The following FAF1 variants were observed in gnomAD, a reference collection of about 807,000 sequenced individuals.
The protein encoded by FAF1 is Fas associated factor 1.
A neutral mutation model predicts 92.5 loss-of-function variants in FAF1; 25 were observed. That is an observed-to-expected ratio of 0.27 (90% CI 0.20 to 0.38). FAF1 has a LOEUF of 0.38. Ranked by LOEUF, FAF1 falls within the 10% of genes least tolerant of loss-of-function variation. The pLI, the probability that FAF1 is intolerant of heterozygous loss-of-function variation, is 1.00. For synonymous variants in FAF1, 234 were observed against 273.2 expected, an observed-to-expected ratio of 0.86 and a Z score of 1.42; for missense variants, 636 against 793.3, an observed-to-expected ratio of 0.80 and a Z score of 2.38.
At chr1:50,738,289 C>A (rs913939671) in intron 6 of FAF1, among the ~76,000 whole-genome samples, 3 of 151,736 alleles carry the variant, frequency 2.0e-5, no homozygotes, top group African/African-American at 7.3e-5. Context: ...ACTAAAAATG[C>A]AAAATTAGCT....
At chr1:50,726,769 T>C (rs1282154521) in intron 6 of FAF1, among the ~76,000 whole-genome samples, 1 of 151,960 alleles carries the variant, frequency 6.6e-6, no homozygotes, top group Non-Finnish European at 1.5e-5. Flanking sequence ...GCGGAACTTG[T>C]AGTGAGCTGA....
At chr1:50,819,898 T>C (rs1339365477) in intron 2 of FAF1, among the ~76,000 whole-genome samples, 2 of 146,892 alleles carry the variant, frequency 1.4e-5, no homozygotes, top group Non-Finnish European at 3.0e-5. Context: ...AATATATTTA[T>C]ATATTTATTA....
rs543679626 is a variant in FAF1, at chr1:50,490,720, A to T, written c.1576-55T>A. ...CTTAACACATACTTGTTTACAAAGA[A>T]AGAGAGAAATAAGGAAAGAGAAAAA... On this transcript the variant is annotated intron_variant, in intron 16 of 18. Transcript: ENST00000396153. 1.8e-5 allele frequency: 19 copies of T among 1,073,638 alleles called. No individual in the cohort carries two copies. The Middle Eastern group carries it at 8.1e-4, about 46-fold the overall frequency. The allele number at this position is 1,073,638 out of a possible 1,614,324, so 66.5% of individuals were successfully genotyped here.
At chr1:50,602,446 A>G (rs757909134) in intron 8 of FAF1, among the ~76,000 whole-genome samples, 2 of 152,094 alleles carry the variant, frequency 1.3e-5, no homozygotes, top group Non-Finnish European at 2.9e-5. Flanking sequence ...TTATACTTCA[A>G]TAAGGCAGTA....
At chr1:50,876,888 G>A (rs1421478449) in intron 1 of FAF1, among the ~76,000 whole-genome samples, 1 of 152,032 alleles carries the variant, frequency 6.6e-6, no homozygotes, top group Non-Finnish European at 1.5e-5. Flanking sequence ...CCAGCCAAAA[G>A]CTAAAACATT....
At chr1:50,694,683 C>A (rs1452018917) in intron 7 of FAF1, among the ~76,000 whole-genome samples, 2 of 151,536 alleles carry the variant, frequency 1.3e-5, no homozygotes, top group African/African-American at 4.8e-5. Flanking sequence ...TGGTGGCTCA[C>A]GCCTGCAATC....
At chr1:50,480,390 A>T (rs562849085) in intron 17 of FAF1, among the ~76,000 whole-genome samples, 7 of 152,332 alleles carry the variant, frequency 4.6e-5, no homozygotes, top group Admixed American at 4.6e-4. Context: ...TACACACAAA[A>T]CAACCTCTAG....
chr1:50,827,308 G>A (rs187040182), intron 2 of FAF1, among the ~76,000 whole-genome samples: 166 of 152,274 alleles, frequency 1.1e-3, no homozygotes, highest in African/African-American at 3.8e-3. Flanking sequence ...GCCTTGGGAG[G>A]CTGTTAATCT....
At chr1:50,571,232 CT>C (rs753246276) in intron 12 of FAF1, among the ~76,000 whole-genome samples, 30 of 152,176 alleles carry the variant, frequency 2.0e-4, no homozygotes, top group Non-Finnish European at 4.1e-4. Flanking sequence ...CAGAGAGGGT[CT>C]AAGTCTGGCA....
intron 4 of FAF1, among the ~76,000 whole-genome samples, chr1:50,766,787 C>G (rs1435846488): frequency 1.8e-5 from 1 of 56,464 alleles, no homozygotes; most frequent in East Asian, 4.3e-4. Flanking sequence ...AACAAGCAAG[C>G]AAGCAAAAAA....
chr1:50,728,577 G>A (rs1381844604), intron 6 of FAF1, among the ~76,000 whole-genome samples: 1 of 151,906 alleles, frequency 6.6e-6, no homozygotes, highest in Non-Finnish European at 1.5e-5. Context: ...GATCACCTGA[G>A]GTCAGAAGTT....
At chr1:50,943,532 A>C (rs1052951511) in intron 1 of FAF1, among the ~76,000 whole-genome samples, 23 of 152,208 alleles carry the variant, frequency 1.5e-4, no homozygotes, top group African/African-American at 5.5e-4. Flanking sequence ...GCAGACCTTA[A>C]TGCCTTCCAG....
chr1:50,525,657 C>T (rs1647751572), intron 15 of FAF1, among the ~76,000 whole-genome samples: 1 of 152,108 alleles, frequency 6.6e-6, no homozygotes, highest in Non-Finnish European at 1.5e-5. Flanking sequence ...TTGAGTGGTT[C>T]ACTATTGAGT....
At chr1:50,450,305 C>A (rs1352028292) in intron 18 of FAF1, among the ~76,000 whole-genome samples, 1 of 151,914 alleles carries the variant, frequency 6.6e-6, no homozygotes, top group Non-Finnish European at 1.5e-5. Context: ...GAGATAAGTA[C>A]TCCTATTATT....
chr1:50,582,771 T>C (rs1455153051), intron 11 of FAF1, 72 bp from the exon 12 acceptor site: 3 of 971,884 alleles, frequency 3.1e-6, no homozygotes, highest in African/African-American at 1.6e-5. Context: ...GTCTAATCAA[T>C]GACTTTTAAG....
At chr1:50,778,819 T>TA (rs1440721432) in intron 4 of FAF1, among the ~76,000 whole-genome samples, 2 of 151,148 alleles carry the variant, frequency 1.3e-5, no homozygotes, top group African/African-American at 4.9e-5. Flanking sequence ...GACCATCCCT[T>TA]AAAAAAACAA....
At chr1:50,759,963 T>C (rs1382081000) in intron 4 of FAF1, among the ~76,000 whole-genome samples, 1 of 152,210 alleles carries the variant, frequency 6.6e-6, no homozygotes, top group East Asian at 1.9e-4. Flanking sequence ...TTGAGAAGTG[T>C]CTGTTCATGT....
At chr1:50,940,869 T>TC (rs1441068920) in intron 1 of FAF1, among the ~76,000 whole-genome samples, 3 of 152,148 alleles carry the variant, frequency 2.0e-5, no homozygotes, top group Non-Finnish European at 4.4e-5. Flanking sequence ...ATTTTGTTTC[T>TC]CCATCTCTCT....
chr1:50,847,420 A>G (rs78239982), intron 2 of FAF1, among the ~76,000 whole-genome samples: 1 of 116,594 alleles, frequency 8.6e-6, no homozygotes, highest in Non-Finnish European at 2.0e-5. Flanking sequence ...GCCTGAAATT[A>G]AAAAAAAAAA....
Sources: gnomAD v4.1 joint callset for allele counts (sites outside exome capture counted in the v4.1 genomes callset) on GRCh38, gnomAD v4.1.1 for gene constraint, MANE v1.5 for transcripts, NCBI Gene and HGNC (gene_info 2026-07-23, HGNC 2026-07-21) for gene names.